Variants in RTL9 observed in about 807,000 individuals in gnomAD.
The protein encoded by RTL9 is retrotransposon Gag like 9, also known as retrotransposon Gag-like protein 9.
In RTL9, 19 loss-of-function variants were observed where a neutral mutation model predicts 44.7. That is an observed-to-expected ratio of 0.42 (90% confidence interval 0.30 to 0.62). The LOEUF (loss-of-function observed/expected upper bound fraction) is 0.62. Ranked by LOEUF, RTL9 falls within the 20% of genes least tolerant of loss-of-function variation. RTL9 has a pLI of 0.16. For missense variants in RTL9, 1,105 were observed against 1,080.6 expected (o/e 1.02, Z -0.32); for synonymous variants, 407 against 398.9 (o/e 1.02, Z -0.24).
In RTL9 at chrX:110,393,085, C is replaced by T. The variant is rs945970285; in HGVS notation, c.-168+34169C>T. On this transcript the variant is annotated intron_variant, in intron 1 of 2. Coordinates refer to the RTL9 transcript ENST00000520821. The stretch of plus-strand genomic sequence containing the variant: ...CAATTTGCACATTGTCCCTCTTGGG[C>T]CTGCTTCCCACCGGAGACTGCATCT... Among the ~76,000 whole-genome samples the T allele has an allele frequency of 1.7e-4, 19 of 111,190 alleles. No homozygotes were observed. In the East Asian group the frequency reaches 3.4e-3, roughly 20 times the overall value.
At chrX:110,439,672 C>T (rs902284407) in intron 1 of RTL9, among the ~76,000 whole-genome samples, 7 of 111,412 alleles carry the variant, frequency 6.3e-5, no homozygotes, top group African/African-American at 9.8e-5. Flanking sequence ...GTGGTGGGGG[C>T]GGTGGGGTGG....
chrX:110,443,791 G>A (rs760183802), intron 1 of RTL9, among the ~76,000 whole-genome samples: 40 of 112,271 alleles, frequency 3.6e-4, no homozygotes, highest in Admixed American at 1.5e-3. Context: ...TGGCAACAAA[G>A]AACATGAGAG....
At chrX:110,365,930 C>T (rs1201027932) in intron 1 of RTL9, among the ~76,000 whole-genome samples, 2 of 111,762 alleles carry the variant, frequency 1.8e-5, no homozygotes, top group Non-Finnish European at 3.8e-5. Flanking sequence ...AATATAACAT[C>T]AGGAAACTTC....
intron 1 of RTL9, among the ~76,000 whole-genome samples, chrX:110,423,328 CAAA>C (rs764253802): frequency 1.6e-5 from 1 of 60,768 alleles, no homozygotes. Flanking sequence ...AACTCGGTCT[CAAA>C]AAAAAAAAAA....
chrX:110,434,360 G>T (rs1336004405), intron 1 of RTL9, among the ~76,000 whole-genome samples: 1 of 111,577 alleles, frequency 9.0e-6, no homozygotes, highest in Non-Finnish European at 1.9e-5. Flanking sequence ...CCTTACCAGG[G>T]TGTTGAAAGA....
exon 1 of RTL9, chrX:110,451,595 A>C (rs757531830): frequency 5.0e-6 from 6 of 1,211,881 alleles, no homozygotes; most frequent in Non-Finnish European, 6.7e-6. Flanking sequence ...CGCTACTGTC[A>C]GTCCCAGATG....
chrX:110,451,865 G>A (rs1337896047), exon 1 of RTL9: 1 of 1,209,729 alleles, frequency 8.3e-7, no homozygotes, highest in Non-Finnish European at 1.1e-6. Flanking sequence ...CACCGCTAAT[G>A]GGAGCCCCAG....
intron 1 of RTL9, among the ~76,000 whole-genome samples, chrX:110,434,297 G>T (rs1189557983): frequency 1.8e-5 from 2 of 111,556 alleles, no homozygotes; most frequent in African/African-American, 6.5e-5. Context: ...GAGCAAGAGG[G>T]AGCCACTGGA....
chrX:110,447,327 T>C (rs1320443511), upstream of RTL9, among the ~76,000 whole-genome samples: 2 of 108,846 alleles, frequency 1.8e-5, no homozygotes, highest in African/African-American at 6.7e-5. Flanking sequence ...AATGAGATAA[T>C]GCTGGTGAAG....
At chrX:110,437,690 C>A (rs1198529471) in intron 1 of RTL9, among the ~76,000 whole-genome samples, 1 of 111,485 alleles carries the variant, frequency 9.0e-6, no homozygotes, top group Non-Finnish European at 1.9e-5. Flanking sequence ...GAGTTCAATG[C>A]GGGTATCAGA....
At chrX:110,364,314 A>G (rs2068283038) in intron 1 of RTL9, among the ~76,000 whole-genome samples, 1 of 111,648 alleles carries the variant, frequency 9.0e-6, no homozygotes, top group African/African-American at 3.3e-5. Flanking sequence ...TACATCAGCA[A>G]AGAGTCATAT....
rs141785452 is a variant in RTL9 at position 110,438,628 on chromosome X, T to C, written c.-167-6525T>C. Reference sequence around the variant, plus strand: ...TCCTCCCGAGACTAGTTTTGTCCTATAGCCTGAAAACAAATCCGGTCTCCA... The same window carrying C: ...TCCTCCCGAGACTAGTTTTGTCCTACAGCCTGAAAACAAATCCGGTCTCCA... On this transcript the variant is annotated intron_variant, in intron 1 of 3. Coordinates refer to the RTL9 transcript ENST00000465301. Among the ~76,000 whole-genome samples the C allele has an allele frequency of 7.4e-3, 826 of 111,594 alleles. 6 individuals are homozygous for C. Among genetic ancestry groups the C allele is most frequent in the African/African-American group, 0.026 (787 of 30,702 alleles).
intron 1 of RTL9, among the ~76,000 whole-genome samples, chrX:110,422,288 C>T (rs2068723042): frequency 8.9e-6 from 1 of 112,967 alleles, no homozygotes; most frequent in Admixed American, 9.3e-5. Context: ...AGCTGGGCTC[C>T]CTTTTCTGGC....
At chrX:110,441,839 C>T (rs2068882109) in intron 1 of RTL9, among the ~76,000 whole-genome samples, 1 of 111,581 alleles carries the variant, frequency 9.0e-6, no homozygotes, top group Non-Finnish European at 1.9e-5. Context: ...TGTAATGTAC[C>T]AGGCATTGTT....
At chrX:110,455,149 C>T (rs767369083) in intron 1 of RTL9, 53 bp from the exon 4 acceptor site, 22 of 1,197,846 alleles carry the variant, frequency 1.8e-5, no homozygotes, top group East Asian at 5.9e-5. Context: ...GCAGAACACC[C>T]GTTGCCATAG....
intron 1 of RTL9, among the ~76,000 whole-genome samples, chrX:110,425,980 G>GCACA (rs72103134): frequency 9.1e-6 from 1 of 109,434 alleles, no homozygotes. Flanking sequence ...GTGCGTGCGC[G>GCACA]CACACACACA....
chrX:110,412,510 C>T (rs777728600), intron 1 of RTL9, among the ~76,000 whole-genome samples: 4 of 111,911 alleles, frequency 3.6e-5, no homozygotes, highest in Non-Finnish European at 7.5e-5. Context: ...GTGACTTCGA[C>T]CAAGTTTCTA....
In RTL9 at chrX:110,452,845, G is replaced by A. The variant is rs533411690; in HGVS notation, c.2228G>A (p.Gly743Glu). ...CCCATGAAGTCCATGACCGCTGGAG[G>A]GATGCAGATGAATTCCCCAACCTCT... The change falls in exon 1 of 2, where the codon GGG becomes GAG. Residue 743 changes from glycine (G) to glutamate (E), a missense_variant. Coordinates refer to ENST00000540313, the Ensembl canonical transcript of RTL9. 10 of 1,209,626 alleles carry A rather than the reference G, an allele frequency of 8.3e-6. No individual in the cohort carries two copies. The African/African-American group carries it at 1.8e-4, about 21-fold the overall frequency.
chrX:110,445,937 A>G (rs1262366164), upstream of RTL9, among the ~76,000 whole-genome samples: 1 of 111,588 alleles, frequency 9.0e-6, no homozygotes, highest in Admixed American at 9.5e-5. Flanking sequence ...ACGGAAGTCT[A>G]TGCCTCACAT....
Sources: allele counts gnomAD v4.1 joint callset (sites outside exome capture counted in the v4.1 genomes callset), GRCh38; gene constraint gnomAD v4.1.1; transcripts MANE v1.5; gene names NCBI Gene and HGNC (gene_info 2026-07-23, HGNC 2026-07-21).